Variants in RBFOX1 observed in about 807,000 individuals in gnomAD.
The protein encoded by RBFOX1 is RNA binding fox-1 homolog 1, also known as RNA binding protein fox-1 homolog 1.
Under a neutral mutation model 57.7 loss-of-function variants are expected in RBFOX1, and 8 were observed. The observed-to-expected ratio is 0.14, with a 90% CI of 0.08 to 0.25. The LOEUF (loss-of-function observed/expected upper bound fraction) is 0.25. Among genes scored for constraint, RBFOX1 ranks in the 10% least tolerant of loss-of-function variants. RBFOX1 has a pLI of 1.00. For synonymous variants in RBFOX1, 326 were observed against 222.4 expected, an observed-to-expected ratio of 1.47 and a Z score of -4.15; for missense variants, 611 against 548.5, an observed-to-expected ratio of 1.11 and a Z score of -1.14.
chr16:5,366,162 G>C, intron 1 of RBFOX1: 1 of 424,000 alleles, frequency 2.4e-6, no homozygotes, highest in South Asian at 1.9e-5. Context: ...GGAAGATGCA[G>C]AGTCAGAAGA....
chr16:7,204,406 C>T (rs778589463), intron 4 of RBFOX1, among the ~76,000 whole-genome samples: 1 of 144,572 alleles, frequency 6.9e-6, no homozygotes, highest in Non-Finnish European at 1.5e-5. Flanking sequence ...CTTTGAGAGG[C>T]TGAAGTGGGA....
intron 3 of RBFOX1, among the ~76,000 whole-genome samples, chr16:5,756,124 G>A (rs937602674): frequency 1.3e-5 from 2 of 151,426 alleles, no homozygotes; most frequent in African/African-American, 4.9e-5. Context: ...AGCTACAGGT[G>A]GTGCCTCAGG....
At chr16:7,316,352 G>T (rs988453391) in intron 4 of RBFOX1, among the ~76,000 whole-genome samples, 2 of 152,228 alleles carry the variant, frequency 1.3e-5, no homozygotes, top group African/African-American at 4.8e-5. Flanking sequence ...AACATTGCAT[G>T]ATCTGTTTAC....
intron 3 of RBFOX1, among the ~76,000 whole-genome samples, chr16:6,829,405 C>G (rs781166924): frequency 1.3e-5 from 2 of 149,162 alleles, no homozygotes; most frequent in African/African-American, 2.5e-5. Context: ...ATATATAGAA[C>G]GATTGTAAAA....
rs569125979 is a variant in RBFOX1, at chr16:7,275,968, C to T, written c.27+223870C>T. 7.9e-5 allele frequency among the ~76,000 whole-genome samples: 12 copies of T among 152,304 alleles called. No homozygotes were observed. In the East Asian group the frequency reaches 1.5e-3, roughly 20 times the overall value. ...CCACCACCACCACCACGAAGTGTGT[C>T]ATCATATAAACTGAAGATAGCTGAG... On this transcript the variant is annotated intron_variant, in intron 4 of 15. Transcript: ENST00000550418.
At chr16:6,745,100 C>A (rs1049053324) in intron 3 of RBFOX1, among the ~76,000 whole-genome samples, 1 of 151,882 alleles carries the variant, frequency 6.6e-6, no homozygotes, top group African/African-American at 2.4e-5. Context: ...GGGTAAATTC[C>A]TTGAAAGAGA....
chr16:6,000,072 G>A (rs17139085), intron 4 of RBFOX1, among the ~76,000 whole-genome samples: 9,816 of 151,880 alleles, frequency 0.065, 416 homozygotes, highest in South Asian at 0.15. Context: ...GTGATTTGTC[G>A]GAAGAGAGAA....
chr16:5,831,920 A>G, intron 3 of RBFOX1, among the ~76,000 whole-genome samples: 1 of 152,208 alleles, frequency 6.6e-6, no homozygotes, highest in East Asian at 1.9e-4. Context: ...TACTGCCTGA[A>G]ATAGAGTTCG....
chr16:5,245,467 C>T (rs374839115), intron 1 of RBFOX1, among the ~76,000 whole-genome samples: 19 of 152,142 alleles, frequency 1.2e-4, no homozygotes, highest in Non-Finnish European at 2.6e-4. Context: ...GAAATGACTG[C>T]GATTGCCTGG....
At chr16:7,698,840 TC>T (rs2079663955) in intron 14 of RBFOX1, among the ~76,000 whole-genome samples, 1 of 152,174 alleles carries the variant, frequency 6.6e-6, no homozygotes, top group Non-Finnish European at 1.5e-5. Flanking sequence ...TGAGGCATAG[TC>T]TCAGGCTTGC....
chr16:7,088,302 T>A (rs1261874559), intron 4 of RBFOX1, among the ~76,000 whole-genome samples: 2 of 152,164 alleles, frequency 1.3e-5, no homozygotes, highest in East Asian at 3.8e-4. Context: ...CTGCTCTGAG[T>A]AGTGATGGCT....
intron 2 of RBFOX1, among the ~76,000 whole-genome samples, chr16:6,368,340 A>G (rs1199960831): frequency 6.6e-6 from 1 of 152,226 alleles, no homozygotes; most frequent in Non-Finnish European, 1.5e-5. Context: ...CTGCAAGGGC[A>G]GAACCAGATA....
chr16:5,285,685 A>C (rs2063376315), intron 1 of RBFOX1, among the ~76,000 whole-genome samples: 1 of 152,196 alleles, frequency 6.6e-6, no homozygotes, highest in Non-Finnish European at 1.5e-5. Flanking sequence ...GGGTAGGTAC[A>C]GTGATATAGT....
intron 4 of RBFOX1, among the ~76,000 whole-genome samples, chr16:7,369,341 T>C (rs567962958): frequency 3.6e-4 from 55 of 152,040 alleles, no homozygotes; most frequent in Non-Finnish European, 5.4e-4. Flanking sequence ...TTCTGCAAAG[T>C]GGAGGCCCTA....
At chr16:6,264,948 T>C (rs745773293) in intron 1 of RBFOX1, among the ~76,000 whole-genome samples, 1 of 152,212 alleles carries the variant, frequency 6.6e-6, no homozygotes, top group Non-Finnish European at 1.5e-5. Context: ...GAGTTCTGTG[T>C]GTGGGAACCG....
rs1265278954 is a variant in RBFOX1 at position 5,594,974 on chromosome 16, A to G, written c.259-3928A>G. ...TGGTAAAACCCTGTCTCTACTAAAA[A>G]AAAAAAAAAAAAAAAAAAAAAATTA... On this transcript the variant is annotated intron_variant, in intron 2 of 2. Transcript: ENST00000585867. Among the ~76,000 whole-genome samples, 10 of 117,768 alleles carry G rather than the reference A, an allele frequency of 8.5e-5. 1 individual carries two copies. Among genetic ancestry groups the G allele is most frequent in the African/African-American group, 2.4e-4 (8 of 33,640 alleles). 77.3% of individuals were successfully genotyped at this position (117,768 alleles called of 152,430 possible). A position where few individuals can be genotyped will look rare whatever the true frequency, so the allele number is the denominator to read the frequency against.
intron 2 of RBFOX1, among the ~76,000 whole-genome samples, chr16:6,490,331 A>G (rs1332757930): frequency 2.6e-5 from 4 of 152,236 alleles, no homozygotes; most frequent in African/African-American, 9.6e-5. Flanking sequence ...GCGTCAATGA[A>G]CTTCAGTTGA....
At chr16:7,383,306 C>T (rs576135912) in intron 4 of RBFOX1, among the ~76,000 whole-genome samples, 144 of 151,266 alleles carry the variant, frequency 9.5e-4, no homozygotes, top group African/African-American at 3.2e-3. Context: ...ACACTAGGCA[C>T]GCATTTTATA....
chr16:6,851,759 G>T (rs887578006), intron 3 of RBFOX1, among the ~76,000 whole-genome samples: 3 of 152,028 alleles, frequency 2.0e-5, no homozygotes, highest in Non-Finnish European at 2.9e-5. Flanking sequence ...GAACTCACAG[G>T]CAGAAGGACT....
Sources: gnomAD v4.1 joint callset for allele counts (sites outside exome capture counted in the v4.1 genomes callset) on GRCh38, gnomAD v4.1.1 for gene constraint, MANE v1.5 for transcripts, NCBI Gene and HGNC (gene_info 2026-07-23, HGNC 2026-07-21) for gene names.